Variants in TEDC2 observed in about 807,000 individuals in gnomAD.
TEDC2 encodes the protein tubulin epsilon and delta complex 2.
TEDC2 carries 49 observed loss-of-function variants against 48.1 expected under a neutral mutation model. The observed-to-expected ratio is 1.02, with a 90% confidence interval of 0.81 to 1.29. TEDC2 has a LOEUF of 1.29. Among genes scored for constraint, TEDC2 ranks in the 50% most tolerant of loss-of-function variants. TEDC2 has a pLI of 0.00. For missense variants in TEDC2, 631 were observed against 571.4 expected, an observed-to-expected ratio of 1.10 and a Z score of -1.06; for synonymous variants, 299 against 247.1, an observed-to-expected ratio of 1.21 and a Z score of -1.97.
In TEDC2 at chr16:2,462,503, G is replaced by GCATGAGGGAGGAGCT. The variant is rs759821322; in HGVS notation, c.841_855dup (p.Met281_Leu285dup). On this transcript the variant is annotated inframe_insertion, in exon 7 of 10. Transcript: ENST00000361837. ...AAGGCCTGCTCGCTGCTGAGACTGCGCATGAGGGAGGAGCTCTCGGCAGGT... is the reference window on the plus strand; with the variant it reads ...AAGGCCTGCTCGCTGCTGAGACTGCGCATGAGGGAGGAGCTCATGAGGGAGGAGCTCTCGGCAGGT... The GCATGAGGGAGGAGCT allele has an allele frequency of 4.4e-5, 70 of 1,606,072 alleles. No individual in the cohort carries two copies. In the Admixed American group the frequency reaches 4.7e-4, roughly 11 times the overall value.
rs1425565342 is a variant in TEDC2 at position 2,464,588 on chromosome 16, C to T, written c.1222C>T (p.Leu408=). ...GCCGCAGGGGCCGCCCTGGCTGGCC[C>T]TGTGCCGGGCTGTGCACAGCCTGCT... is the stretch of plus-strand genomic sequence containing the variant. ...AQPQGPPWLA[L]CRAVHSLLCE... Residue 408 remains leucine (L), a synonymous_variant, in exon 10 of 10, where the codon CTG becomes TTG. Coordinates refer to ENST00000361837, the MANE Select transcript of TEDC2 (RefSeq NM_025108.3). The T allele has an allele frequency of 1.9e-6, 3 of 1,609,986 alleles. No individual in the cohort carries two copies. The highest frequency in any genetic ancestry group is 1.1e-5 in the South Asian group (1 of 91,040).
In TEDC2 at chr16:2,460,871, G is replaced by A; in HGVS notation, c.252G>A (p.Leu84=). ...LKELEFLTQA[L]EKAVRVRRGI... ...AGTTGGAGTTTCTGACCCAGGCACT[G>A]GAGAAGGCTGTACGAGTTCGAAGAG... The change falls in exon 4 of 10, where the codon CTG becomes CTA. Residue 84 remains leucine (L), a synonymous_variant. Coordinates refer to ENST00000361837, the MANE Select transcript of TEDC2 (RefSeq NM_025108.3). 1 of 1,613,530 alleles carries A rather than the reference G, an allele frequency of 6.2e-7. No homozygotes were observed. The highest frequency in any genetic ancestry group is 2.2e-5 in the East Asian group (1 of 44,890).
Position 2,464,216 on chromosome 16 carries a change from T to G in TEDC2, c.1142T>G (p.Ile381Ser). 6.2e-7 allele frequency: 1 copy of G among 1,611,828 alleles called. No homozygotes were observed. Among genetic ancestry groups the G allele is most frequent in the Non-Finnish European group, 8.5e-7 (1 of 1,179,550 alleles). Reference protein sequence around the residue: ...KLRVAVLDQQIHLEKVLMAEL... With the variant: ...KLRVAVLDQQSHLEKVLMAEL... ...CGAGTGGCTGTGCTGGACCAGCAGATCCACTTGGAAAAGGTGCTTCTGGAA... is the reference window on the plus strand; with the variant it reads ...CGAGTGGCTGTGCTGGACCAGCAGAGCCACTTGGAAAAGGTGCTTCTGGAA... The change falls in exon 9 of 10, where the codon ATC becomes AGC. Residue 381 changes from isoleucine (I) to serine (S), a missense_variant. By Grantham distance (142) the Ile-to-Ser change is moderately radical (BLOSUM62 -2). Transcript: ENST00000361837.
At position 2,464,760 on chromosome 16, in the gene TEDC2, C is replaced by T; in HGVS notation, c.*92C>T. On this transcript the variant is annotated 3_prime_UTR_variant, in exon 10 of 10. Transcript: ENST00000361837. ...CGGGGACCCAGAGATGCCTGTGCTTCCCTGGGAAACCTGGTGAACTGGACC... is the reference window on the plus strand; with the variant it reads ...CGGGGACCCAGAGATGCCTGTGCTTTCCTGGGAAACCTGGTGAACTGGACC... The T allele has an allele frequency of 6.6e-7, 1 of 1,524,576 alleles. No individual in the cohort carries two copies. The highest frequency in any genetic ancestry group is 8.9e-7 in the Non-Finnish European group (1 of 1,124,174). 94.4% of individuals were successfully genotyped at this position (1,524,576 alleles called of 1,614,324 possible).
chr16:2,461,002 A>G lies in TEDC2; in HGVS notation c.383A>G (p.Gln128Arg). ...TCCGCCCCACCGCATTCCCCAGGCC[A>G]AGCTGGTGGCCATGCTTCAGACACG... ...TASAPPHSPG[Q>R]AGGHASDTRP... The change falls in exon 4 of 10, where the codon CAA becomes CGA. Residue 128 changes from glutamine (Q) to arginine (R), a missense_variant. Physicochemically the swap from Gln to Arg is conservative, Grantham distance 43 (BLOSUM62 1). Coordinates refer to ENST00000361837, the MANE Select transcript of TEDC2 (RefSeq NM_025108.3). 1 of 1,613,032 alleles carries G rather than the reference A, an allele frequency of 6.2e-7. No individual in the cohort carries two copies. Among genetic ancestry groups the G allele is most frequent in the Non-Finnish European group, 8.5e-7 (1 of 1,179,848 alleles).
chr16:2,461,561 G>T (rs1028759338), intron 4 of TEDC2, 186 bp from the exon 5 acceptor site: 5 of 693,696 alleles, frequency 7.2e-6, no homozygotes, highest in African/African-American at 1.8e-5. Flanking sequence ...CTCTAATGGG[G>T]CAGCACTGGA....
rs2141837473 is a variant in TEDC2 at position 2,460,676 on chromosome 16, G to A, written c.179G>A (p.Gly60Glu). 2 of 1,613,070 alleles carry A rather than the reference G, an allele frequency of 1.2e-6. No homozygotes were observed. The highest frequency in any genetic ancestry group is 2.2e-5 in the South Asian group (2 of 91,082). Reference sequence around the variant, plus strand: ...CCACCTCCAGGGCCAGAAACTAATGGAGAGGACCCCCTTCCAGGTAAACCT... The same window carrying A: ...CCACCTCCAGGGCCAGAAACTAATGAAGAGGACCCCCTTCCAGGTAAACCT... ...LKPPPGPETN[G>E]EDPLPACTPS... is the part of the protein sequence containing the mutation. Residue 60 changes from glycine to glutamate, a missense_variant, in exon 3 of 10, where the codon GGA becomes GAA. Physicochemically the swap from Gly to Glu is moderately conservative, Grantham distance 98. Transcript: ENST00000361837.
chr16:2,462,360 TTGG>T lies in TEDC2; in HGVS notation c.751-51_751-49del, dbSNP rs2065472019. The T allele has an allele frequency of 1.9e-6, 3 of 1,606,384 alleles. No individual in the cohort carries two copies. The South Asian group carries it at 3.3e-5, about 18-fold the overall frequency. ...CAGGGCCACTCCCCAGGCCCCGTTC[TTGG>T]TGGGAGCAGAGGGGCTTTGGCTGCA... On this transcript the variant is annotated intron_variant, in intron 6 of 9. Coordinates refer to ENST00000361837, the MANE Select transcript of TEDC2 (RefSeq NM_025108.3).
In TEDC2 at chr16:2,460,643, C is replaced by T. The variant is rs1000319816; in HGVS notation, c.146C>T (p.Ala49Val). The T allele has an allele frequency of 1.9e-6, 3 of 1,613,056 alleles. No individual in the cohort carries two copies. Among genetic ancestry groups the T allele is most frequent in the South Asian group, 2.2e-5 (2 of 91,088 alleles). Residue 49 changes from alanine (A) to valine (V), a missense_variant, in exon 3 of 10, where the codon GCT (alanine) becomes GTT (valine). Physicochemically the swap from Ala to Val is moderately conservative, Grantham distance 64 (BLOSUM62 0). Coordinates refer to ENST00000361837, the MANE Select transcript of TEDC2 (RefSeq NM_025108.3). ...TGCAGGGAACCAACTGGGACCCGGGCTTTGAAGCCACCTCCAGGGCCAGAA... is the reference window on the plus strand; with the variant it reads ...TGCAGGGAACCAACTGGGACCCGGGTTTTGAAGCCACCTCCAGGGCCAGAA... ...LHAWEPTGTR[A>V]LKPPPGPETN...
In TEDC2 at chr16:2,462,515, AG is replaced by A. The variant is rs1191396024; in HGVS notation, c.852del (p.Glu284AspfsTer104). 6.2e-7 allele frequency: 1 copy of A among 1,600,330 alleles called. No homozygotes were observed. Among genetic ancestry groups the A allele is most frequent in the South Asian group, 1.1e-5 (1 of 89,570 alleles). On this transcript the variant is annotated frameshift_variant, in exon 7 of 10. Transcript: ENST00000361837. LOFTEE classifies it high-confidence loss of function. ...CSLLRLRMREELSAAPMDWMQ... is the reference protein window; with the variant it reads ...CSLLRLRMREXLSAAPMDWMQ... ...CTGCTGAGACTGCGCATGAGGGAGG[AG>A]CTCTCGGCAGGTCAGTGGGTCCTGG... is the stretch of plus-strand genomic sequence containing the variant.
At chr16:2,463,151 C>T (rs576758539) in intron 8 of TEDC2, among the ~76,000 whole-genome samples, 1 of 151,290 alleles carries the variant, frequency 6.6e-6, no homozygotes, top group Non-Finnish European at 1.5e-5. Context: ...GAAACCCTGT[C>T]TCTACTAAAA....
chr16:2,462,339 G>C lies in TEDC2; in HGVS notation c.751-76G>C, dbSNP rs1483328120. 15 of 1,602,572 alleles carry C rather than the reference G, an allele frequency of 9.4e-6. No homozygotes were observed. The South Asian group carries it at 1.7e-4, about 18-fold the overall frequency. On this transcript the variant is annotated intron_variant, in intron 6 of 9. Transcript: ENST00000361837. ...GAGGGGCTGGCGTGGGATGGCCAGG[G>C]CCACTCCCCAGGCCCCGTTCTTGGT...
Position 2,462,612 on chromosome 16 carries a change from C to G in TEDC2, c.863-19C>G. Reference sequence around the variant, plus strand: ...CAGACTGCCACGGGCCCCACCTGCTCTCCCTGACTCTTCTGCAGCCCCCAT... The same window carrying G: ...CAGACTGCCACGGGCCCCACCTGCTGTCCCTGACTCTTCTGCAGCCCCCAT... On this transcript the variant is annotated intron_variant, in intron 7 of 9. Transcript: ENST00000361837. 6.5e-7 allele frequency: 1 copy of G among 1,539,058 alleles called. No homozygotes were observed. The highest frequency in any genetic ancestry group is 8.8e-7 in the Non-Finnish European group (1 of 1,141,690).
rs1192276100 is a variant in TEDC2, at chr16:2,464,283, C to A, written c.1155+54C>A. On this transcript the variant is annotated intron_variant, in intron 9 of 9. Coordinates refer to ENST00000361837, the MANE Select transcript of TEDC2 (RefSeq NM_025108.3). ...AACAGAGGTCCGCAGCCTTGAGGAC[C>A]CGAGGGTAGGGGCTTGACTGCTCCA... is the stretch of plus-strand genomic sequence containing the variant. 1.9e-6 allele frequency: 3 copies of A among 1,571,734 alleles called. No homozygotes were observed. In the East Asian group the frequency reaches 6.9e-5, roughly 36 times the overall value.
At position 2,464,608 on chromosome 16, in the gene TEDC2, C is replaced by T; in HGVS notation, c.1242C>T (p.Ser414=). 1 of 1,612,048 alleles carries T rather than the reference C, an allele frequency of 6.2e-7. No individual in the cohort carries two copies. Among genetic ancestry groups the T allele is most frequent in the Non-Finnish European group, 8.5e-7 (1 of 1,179,942 alleles). The change falls in exon 10 of 10, where the codon AGC becomes AGT. Residue 414 remains serine (S), a synonymous_variant. Transcript: ENST00000361837. ...PWLALCRAVH[S]LLCEGGARVL... ...TGGCCCTGTGCCGGGCTGTGCACAG[C>T]CTGCTCTGCGAGGGAGGAGCACGTG...
chr16:2,460,913 A>G lies in TEDC2; in HGVS notation c.294A>G (p.Gly98=). Residue 98 remains glycine (G), a synonymous_variant, in exon 4 of 10, where the codon GGA becomes GGG. Coordinates refer to ENST00000361837, the MANE Select transcript of TEDC2 (RefSeq NM_025108.3). ...TTCGAAGAGGCATCACTAAGGCCGG[A>G]GAGAGAGACAAGGCCCCCAGCCTGA... The part of the protein sequence containing the change: ...VRVRRGITKA[G]ERDKAPSLKS... 6.2e-7 allele frequency: 1 copy of G among 1,613,560 alleles called. No homozygotes were observed. The highest frequency in any genetic ancestry group is 8.5e-7 in the Non-Finnish European group (1 of 1,179,996).
chr16:2,460,462 G>A, intron 2 of TEDC2, 81 bp downstream of exon 2: 1 of 1,509,966 alleles, frequency 6.6e-7, no homozygotes, highest in African/African-American at 1.4e-5. Context: ...CTGGGAGACC[G>A]GGCGCAGCCG....
intron 8 of TEDC2, among the ~76,000 whole-genome samples, chr16:2,463,152 T>C (rs1181288483): frequency 1.3e-5 from 2 of 151,522 alleles, no homozygotes; most frequent in African/African-American, 2.4e-5. Flanking sequence ...AAACCCTGTC[T>C]CTACTAAAAA....
Position 2,464,872 on chromosome 16 carries a change from G to C in TEDC2, c.*204G>C. 1.5e-6 allele frequency: 1 copy of C among 659,388 alleles called. No homozygotes were observed. The highest frequency in any genetic ancestry group is 2.5e-6 in the Non-Finnish European group (1 of 399,856). The allele number at this position is 659,388 out of a possible 1,614,324, so 40.8% of individuals were successfully genotyped here. ...CTTCCTAAGGCTCCTGGACTCCAGA[G>C]GCCAGCGGGGAGCCTTTCCTGGCTC... On this transcript the variant is annotated 3_prime_UTR_variant, in exon 10 of 10. Coordinates refer to ENST00000361837, the MANE Select transcript of TEDC2 (RefSeq NM_025108.3).
Sources: allele counts gnomAD v4.1 joint callset (sites outside exome capture counted in the v4.1 genomes callset), GRCh38; gene constraint gnomAD v4.1.1; transcripts MANE v1.5; gene names NCBI Gene and HGNC (gene_info 2026-07-23, HGNC 2026-07-21).